The following EVL variants were observed in gnomAD, a reference collection of about 807,000 sequenced individuals.
EVL encodes Enah/Vasp-like.
Under a neutral mutation model 59.6 loss-of-function variants are expected in EVL, and 21 were observed. The observed-to-expected ratio is 0.35, with a 90% confidence interval of 0.25 to 0.51. The LOEUF is 0.51. Ranked by LOEUF, EVL falls within the 20% of genes least tolerant of loss-of-function variation. EVL has a pLI of 0.97. For synonymous variants in EVL, 198 were observed against 203.5 expected (o/e 0.97, Z 0.23); for missense variants, 462 against 546.6 (o/e 0.85, Z 1.54).
intron 1 of EVL, among the ~76,000 whole-genome samples, chr14:100,027,018 C>T (rs927145900): frequency 1.3e-5 from 2 of 152,116 alleles, no homozygotes; most frequent in Non-Finnish European, 2.9e-5. Context: ...ATGGACAGAC[C>T]TCATTGACTT....
intron 8 of EVL, among the ~76,000 whole-genome samples, chr14:100,134,092 A>G (rs888040532): frequency 1.3e-4 from 20 of 152,222 alleles, no homozygotes; most frequent in African/African-American, 4.8e-4. Flanking sequence ...GCCAGATCTT[A>G]GGCCCTTGGA....
intron 1 of EVL, chr14:100,074,390 G>T (rs954612027): frequency 1.3e-5 from 2 of 152,194 alleles, no homozygotes; most frequent in African/African-American, 4.8e-5. Context: ...GATAGTATCT[G>T]CTGGGTGCTA....
chr14:100,138,275 C>T, intron 11 of EVL: 1 of 167,048 alleles, frequency 6.0e-6, no homozygotes, highest in Admixed American at 5.8e-5. Context: ...CTGAGCCCTA[C>T]CCCTTTCCTC....
At position 100,129,588 on chromosome 14, in the gene EVL, G is replaced by A. The variant is rs1414421191; in HGVS notation, c.743G>A (p.Ser248Asn). 9 of 1,613,706 alleles carry A rather than the reference G, an allele frequency of 5.6e-6. No individual in the cohort carries two copies. Among genetic ancestry groups the A allele is most frequent in the Non-Finnish European group, 7.6e-6 (9 of 1,179,928 alleles). The change falls in exon 7 of 14, where the codon AGT becomes AAT. Residue 248 changes from serine to asparagine, a missense_variant. Coordinates refer to ENST00000392920, the MANE Select transcript of EVL (RefSeq NM_016337.3). ...QRPEDASGGS[S>N]PSGTSKSDAN... The stretch of plus-strand genomic sequence containing the variant: ...CCAGAAGACGCATCTGGAGGCTCCA[G>A]TCCCAGTGGGACCTCAAAGTCCGAT...
chr14:100,090,407 G>A (rs1595161106), intron 2 of EVL, among the ~76,000 whole-genome samples: 1 of 152,236 alleles, frequency 6.6e-6, no homozygotes, highest in East Asian at 1.9e-4. Context: ...TTACTCCTTC[G>A]GAGATGAGAG....
At chr14:100,038,265 A>G (rs1374237997) in intron 1 of EVL, among the ~76,000 whole-genome samples, 2 of 152,274 alleles carry the variant, frequency 1.3e-5, no homozygotes, top group Admixed American at 1.3e-4. Flanking sequence ...TGGCAAGTGG[A>G]CAGAATTGCT....
chr14:99,992,503 T>C (rs1438834157), intron 1 of EVL, among the ~76,000 whole-genome samples: 2 of 152,248 alleles, frequency 1.3e-5, no homozygotes, highest in Non-Finnish European at 2.9e-5. Flanking sequence ...AGGACATCAT[T>C]GTCAAATCAA....
chr14:100,018,359 A>G (rs1203565), intron 1 of EVL, among the ~76,000 whole-genome samples: 13,919 of 152,284 alleles, frequency 0.091, 853 homozygotes, highest in East Asian at 0.29. Context: ...GTGAATGTCT[A>G]ACTGAATTTG....
Position 100,129,650 on chromosome 14 carries a change from C to A in EVL, c.805C>A (p.Leu269Ile). The change falls in exon 7 of 14, where the codon CTC becomes ATC. Residue 269 changes from leucine (L) to isoleucine (I), a missense_variant. Physicochemically the swap from Leu to Ile is conservative, Grantham distance 5. Coordinates refer to ENST00000392920, the MANE Select transcript of EVL (RefSeq NM_016337.3). ...AAGCAGCGGGGGTGGCGGAGGAGGC[C>A]TCATGGAGGAAATGAACAAACTGCT... ...RASSGGGGGG[L>I]MEEMNKLLAK... is the part of the protein sequence containing the mutation. 6.3e-7 allele frequency: 1 copy of A among 1,599,214 alleles called. No individual in the cohort carries two copies. The highest frequency in any genetic ancestry group is 1.7e-5 in the Admixed American group (1 of 57,980).
intron 1 of EVL, among the ~76,000 whole-genome samples, chr14:100,012,324 T>TTA (rs2061021786): frequency 6.6e-6 from 1 of 152,202 alleles, no homozygotes; most frequent in Non-Finnish European, 1.5e-5. Context: ...TTTGACCTCT[T>TTA]CTCCCGCCTC....
intron 1 of EVL, among the ~76,000 whole-genome samples, chr14:100,046,924 T>G (rs2061557577): frequency 6.6e-6 from 1 of 150,894 alleles, no homozygotes; most frequent in South Asian, 2.1e-4. Context: ...AGCTAATTTT[T>G]TTGTATTTTT....
chr14:100,128,406 C>T (rs1566721665), intron 5 of EVL, 113 bp from the exon 6 acceptor site: 2 of 1,072,666 alleles, frequency 1.9e-6, no homozygotes. Flanking sequence ...GTTTCTCATC[C>T]CTTTGGGGAG....
At chr14:99,973,616 C>T (rs1278802627) in intron 1 of EVL, among the ~76,000 whole-genome samples, 1 of 152,204 alleles carries the variant, frequency 6.6e-6, no homozygotes, top group Non-Finnish European at 1.5e-5. Flanking sequence ...GTACGTACCA[C>T]CACACCTGGC....
chr14:99,979,265 A>G (rs1029898973), intron 1 of EVL, among the ~76,000 whole-genome samples: 2 of 152,032 alleles, frequency 1.3e-5, no homozygotes, highest in African/African-American at 2.4e-5. Flanking sequence ...ACCCACCCAC[A>G]TATACACAAT....
chr14:100,030,565 C>T (rs543431273), intron 1 of EVL, among the ~76,000 whole-genome samples: 45 of 152,336 alleles, frequency 3.0e-4, no homozygotes, highest in African/African-American at 1.1e-3. Flanking sequence ...GTCTTCCCCT[C>T]TCCCTGAGCG....
At chr14:99,980,988 C>A (rs1490016179) in intron 1 of EVL, among the ~76,000 whole-genome samples, 1 of 151,720 alleles carries the variant, frequency 6.6e-6, no homozygotes, top group Admixed American at 6.6e-5. Flanking sequence ...GTAATCCCAG[C>A]TACTCGGGAG....
intron 2 of EVL, among the ~76,000 whole-genome samples, chr14:100,092,711 G>T (rs749940559): frequency 1.3e-5 from 2 of 152,070 alleles, no homozygotes; most frequent in African/African-American, 2.4e-5. Flanking sequence ...CTCCAGCCTG[G>T]GTGACAGGAG....
chr14:100,078,594 A>G (rs2062219255), intron 1 of EVL, among the ~76,000 whole-genome samples: 1 of 151,978 alleles, frequency 6.6e-6, no homozygotes, highest in Non-Finnish European at 1.5e-5. Context: ...GGGCAGGGTA[A>G]GGAAATGGAG....
chr14:100,042,042 G>A (rs960221289), intron 1 of EVL, among the ~76,000 whole-genome samples: 1 of 152,100 alleles, frequency 6.6e-6, no homozygotes, highest in Non-Finnish European at 1.5e-5. Flanking sequence ...AAAGTAAAAA[G>A]AATGGATCAT....
Sources: allele counts gnomAD v4.1 joint callset (sites outside exome capture counted in the v4.1 genomes callset), GRCh38; gene constraint gnomAD v4.1.1; transcripts MANE v1.5; gene names NCBI Gene and HGNC (gene_info 2026-07-23, HGNC 2026-07-21).